Variants in IQCE observed in about 807,000 individuals in gnomAD.
IQCE encodes IQ motif containing E.
IQCE carries 115 observed loss-of-function variants against 96.0 expected under a neutral mutation model. That is an observed-to-expected ratio of 1.20 (90% CI 1.03 to 1.40). The LOEUF (loss-of-function observed/expected upper bound fraction) is 1.40, where lower values mean the gene tolerates loss of function less well. Ranked by LOEUF, IQCE falls within the 40% of genes most tolerant of loss-of-function variation. The pLI is 0.00. For synonymous variants in IQCE, 412 were observed against 371.2 expected, an observed-to-expected ratio of 1.11 and a Z score of -1.26; for missense variants, 1,041 against 909.1, an observed-to-expected ratio of 1.15 and a Z score of -1.87.
chr7:2,592,902 G>C lies in IQCE; in HGVS notation c.1245-120G>C, dbSNP rs929141722. 6 of 1,087,266 alleles carry C rather than the reference G, an allele frequency of 5.5e-6. No homozygotes were observed. In the African/African-American group the frequency reaches 6.3e-5, roughly 11 times the overall value. 67.4% of individuals were successfully genotyped at this position (1,087,266 alleles called of 1,614,324 possible). On this transcript the variant is annotated intron_variant, in intron 14 of 21. Coordinates refer to ENST00000402050, the MANE Select transcript of IQCE (RefSeq NM_152558.5). ...GAAATGGGCCTTTTGTGCTCCTCCT[G>C]CCCCACCATCCACTGTCCTAAGGAA...
At chr7:2,597,047 C>A in intron 16 of IQCE, 1 of 471,314 alleles carries the variant, frequency 2.1e-6, no homozygotes, top group Non-Finnish European at 4.4e-6. Flanking sequence ...CGCAAGGCCA[C>A]GCAGGAGCGG....
At chr7:2,589,773 C>T (rs1029502295) in intron 13 of IQCE, 134 bp from the exon 14 acceptor site, 56 of 764,280 alleles carry the variant, frequency 7.3e-5, no homozygotes, top group South Asian at 5.9e-4. Context: ...CTGGGTAACT[C>T]GGGTCCCCTC....
intron 3 of IQCE, among the ~76,000 whole-genome samples, chr7:2,570,996 C>A (rs753940488): frequency 5.3e-5 from 8 of 152,076 alleles, no homozygotes; most frequent in Non-Finnish European, 8.8e-5. Flanking sequence ...TGGTAGAATT[C>A]ATATATTTCC....
intron 3 of IQCE, among the ~76,000 whole-genome samples, chr7:2,569,920 G>C (rs1009580020): frequency 6.6e-6 from 1 of 152,156 alleles, no homozygotes; most frequent in Non-Finnish European, 1.5e-5. Context: ...CTAGCAATTT[G>C]GATTTTTGAT....
chr7:2,607,064 C>T (rs1784885667), intron 20 of IQCE, 60 bp from the exon 21 acceptor site: 12 of 1,435,782 alleles, frequency 8.4e-6, no homozygotes, highest in Admixed American at 2.3e-5. Flanking sequence ...TGCTGTAAAC[C>T]TCAGAGAGGT....
chr7:2,604,913 A>C lies in IQCE; in HGVS notation c.1665A>C (p.Gly555=). ...TGGTGCTTCAGGCAGCTTTCAGGGG[A>C]CATCTCACGCGGACAAAGCTCTTAG... The part of the protein sequence containing the change: ...AAVVLQAAFR[G]HLTRTKLLAS... The change falls in exon 19 of 22, where the codon GGA becomes GGC. Residue 555 remains glycine, a synonymous_variant. Coordinates refer to ENST00000402050, the MANE Select transcript of IQCE (RefSeq NM_152558.5). The C allele has an allele frequency of 6.2e-7, 1 of 1,613,630 alleles. No homozygotes were observed. Among genetic ancestry groups the C allele is most frequent in the South Asian group, 1.1e-5 (1 of 91,080 alleles).
chr7:2,563,259 C>T (rs777849358), intron 1 of IQCE, among the ~76,000 whole-genome samples: 31 of 152,108 alleles, frequency 2.0e-4, no homozygotes, highest in Non-Finnish European at 2.8e-4. Flanking sequence ...TGCAGTGGTG[C>T]GATCATGGCT....
chr7:2,583,601 G>A, intron 9 of IQCE, 36 bp from the exon 10 acceptor site: 1 of 1,525,838 alleles, frequency 6.6e-7, no homozygotes, highest in Non-Finnish European at 9.0e-7. Context: ...TGGGAACGCT[G>A]GCACATCCCT....
Position 2,578,250 on chromosome 7 carries a change from C to G in IQCE, c.474C>G (p.His158Gln), listed in dbSNP as rs375326268. 1.2e-6 allele frequency: 2 copies of G among 1,612,860 alleles called. No homozygotes were observed. Among genetic ancestry groups the G allele is most frequent in the Non-Finnish European group, 1.7e-6 (2 of 1,179,046 alleles). The stretch of plus-strand genomic sequence containing the variant: ...GCCCTTGTTTTCTTCAGTCATTGCA[C>G]GTGCAGAAGAGCGACGTGGACCTGA... ...DEIIELKKSL[H>Q]VQKSDVDLMR... Residue 158 changes from histidine to glutamine, a missense_variant, in exon 7 of 22, where the codon CAC becomes CAG. Transcript: ENST00000402050.
chr7:2,595,005 G>C, intron 16 of IQCE, 29 bp downstream of exon 16: 1 of 1,465,144 alleles, frequency 6.8e-7, no homozygotes, highest in Non-Finnish European at 9.6e-7. Flanking sequence ...TGAGTCTCCC[G>C]TCAGGTGCGG....
intron 8 of IQCE, chr7:2,582,134 AG>A: frequency 2.2e-6 from 1 of 457,940 alleles, no homozygotes; most frequent in Non-Finnish European, 4.5e-6. Context: ...GTGGCTCCTC[AG>A]GCCCCTACGG....
At chr7:2,600,728 G>A (rs1255265779) in intron 17 of IQCE, among the ~76,000 whole-genome samples, 2 of 152,200 alleles carry the variant, frequency 1.3e-5, no homozygotes, top group East Asian at 1.9e-4. Context: ...CCTGTGTACA[G>A]TAGTACAAAT....
chr7:2,603,739 C>T (rs1428237503), intron 18 of IQCE, among the ~76,000 whole-genome samples: 3 of 152,202 alleles, frequency 2.0e-5, no homozygotes, highest in African/African-American at 7.2e-5. Context: ...GGCGCTGCCT[C>T]GCCCTCCTTT....
chr7:2,581,891 T>A (rs12700095), intron 8 of IQCE: 29,184 of 278,620 alleles, frequency 0.1, 1,893 homozygotes, highest in Non-Finnish European at 0.14. Flanking sequence ...TTTTTGTATT[T>A]TTAGTAGAGA....
At chr7:2,582,175 CCCATGG>C in intron 8 of IQCE, 1 of 418,822 alleles carries the variant, frequency 2.4e-6, no homozygotes, top group South Asian at 1.9e-5. Context: ...CACTCACTGC[CCCATGG>C]AGACTGAACT....
At chr7:2,570,009 A>T (rs1165881252) in intron 3 of IQCE, among the ~76,000 whole-genome samples, 2 of 152,124 alleles carry the variant, frequency 1.3e-5, no homozygotes, top group African/African-American at 2.4e-5. Context: ...CTCCTGACTC[A>T]CACTCGGGAC....
chr7:2,591,359 CGTG>C (rs1436437343), intron 14 of IQCE, among the ~76,000 whole-genome samples: 2 of 152,162 alleles, frequency 1.3e-5, no homozygotes, highest in Non-Finnish European at 2.9e-5. Flanking sequence ...GACCTGTGGC[CGTG>C]GAACACCCGG....
chr7:2,572,255 G>T lies in IQCE; in HGVS notation c.323G>T (p.Gly108Val). The T allele has an allele frequency of 6.2e-7, 1 of 1,614,184 alleles. No homozygotes were observed. Among genetic ancestry groups the T allele is most frequent in the Non-Finnish European group, 8.5e-7 (1 of 1,180,016 alleles). The change falls in exon 5 of 22, where the codon GGC (glycine) becomes GTC (valine). Residue 108 changes from glycine to valine, a missense_variant. Transcript: ENST00000402050. ...TWEHAWTGVP[G>V]GTPDCLTDTF... ...GAGCATGCGTGGACTGGCGTCCCCG[G>T]CGGCACTCCTGACTGTCTGACAGAC...
intron 2 of IQCE, among the ~76,000 whole-genome samples, chr7:2,568,301 A>G (rs1332891899): frequency 6.6e-6 from 1 of 152,226 alleles, no homozygotes; most frequent in Non-Finnish European, 1.5e-5. Flanking sequence ...ACATAAATGA[A>G]TTTTGTGTTT....
Sources: gnomAD v4.1 joint callset for allele counts (sites outside exome capture counted in the v4.1 genomes callset) on GRCh38, gnomAD v4.1.1 for gene constraint, MANE v1.5 for transcripts, NCBI Gene and HGNC (gene_info 2026-07-23, HGNC 2026-07-21) for gene names.